Variants in ST8SIA4 observed in about 807,000 individuals in gnomAD.
The protein encoded by ST8SIA4 is ST8 alpha-N-acetyl-neuraminide alpha-2,8-sialyltransferase 4.
A neutral mutation model predicts 33.9 loss-of-function variants in ST8SIA4; 15 were observed. The observed-to-expected ratio is 0.44, with a 90% CI of 0.30 to 0.68. The LOEUF (loss-of-function observed/expected upper bound fraction) is 0.68, where lower values mean the gene tolerates loss of function less well. Ranked by LOEUF, ST8SIA4 falls within the 30% of genes least tolerant of loss-of-function variation. ST8SIA4 has a pLI of 0.10. For missense variants in ST8SIA4, 321 were observed against 428.0 expected, an observed-to-expected ratio of 0.75 and a Z score of 2.21; for synonymous variants, 171 against 151.2, an observed-to-expected ratio of 1.13 and a Z score of -0.96.
intron 4 of ST8SIA4, among the ~76,000 whole-genome samples, chr5:100,833,847 T>A (rs1751309338): frequency 6.6e-6 from 1 of 152,148 alleles, no homozygotes; most frequent in Non-Finnish European, 1.5e-5. Context: ...TCCAAGAGCA[T>A]CCACTCCTCA....
intron 2 of ST8SIA4, among the ~76,000 whole-genome samples, chr5:100,889,673 C>A (rs1019719030): frequency 2.6e-5 from 4 of 151,734 alleles, no homozygotes; most frequent in African/African-American, 9.7e-5. Context: ...TTTATTTACT[C>A]TTAGGGAAAA....
At chr5:100,847,318 A>G (rs1273392149) in intron 4 of ST8SIA4, among the ~76,000 whole-genome samples, 2 of 152,032 alleles carry the variant, frequency 1.3e-5, no homozygotes, top group African/African-American at 4.8e-5. Context: ...ACTCCAAAAC[A>G]ATCCATTAGA....
At chr5:100,826,267 A>G (rs1362339426) in intron 4 of ST8SIA4, among the ~76,000 whole-genome samples, 1 of 152,128 alleles carries the variant, frequency 6.6e-6, no homozygotes, top group African/African-American at 2.4e-5. Flanking sequence ...TATATTTAAG[A>G]GCTGACTACA....
intron 2 of ST8SIA4, among the ~76,000 whole-genome samples, chr5:100,891,584 T>G (rs1281913372): frequency 6.6e-6 from 1 of 152,036 alleles, no homozygotes; most frequent in Non-Finnish European, 1.5e-5. Context: ...TGTCCCACAA[T>G]ATTTGATGAA....
chr5:100,847,020 G>A (rs1192464316), intron 4 of ST8SIA4, among the ~76,000 whole-genome samples: 3 of 152,074 alleles, frequency 2.0e-5, no homozygotes, highest in Non-Finnish European at 1.5e-5. Context: ...ATCAGAGTCT[G>A]CCAGTAAGGA....
chr5:100,895,548 G>A (rs927037849), intron 2 of ST8SIA4, 106 bp downstream of exon 2: 7 of 1,073,040 alleles, frequency 6.5e-6, no homozygotes, highest in African/African-American at 1.6e-5. Context: ...TTTTATTTAA[G>A]TATTCATACT....
chr5:100,897,117 T>C (rs1318289415), intron 1 of ST8SIA4, among the ~76,000 whole-genome samples: 3 of 152,176 alleles, frequency 2.0e-5, no homozygotes, highest in Middle Eastern at 3.2e-3. Context: ...GTCACTTCCC[T>C]GACAGTTGGT....
At chr5:100,822,751 C>A (rs1751054399) in intron 4 of ST8SIA4, among the ~76,000 whole-genome samples, 1 of 152,110 alleles carries the variant, frequency 6.6e-6, no homozygotes, top group African/African-American at 2.4e-5. Context: ...GGGCTACATT[C>A]CAGACGATTA....
chr5:100,873,298 A>G (rs1390290560), intron 3 of ST8SIA4, among the ~76,000 whole-genome samples: 1 of 152,094 alleles, frequency 6.6e-6, no homozygotes, highest in Non-Finnish European at 1.5e-5. Flanking sequence ...GAAGATAGTG[A>G]TTTAAGCTAG....
At chr5:100,895,848 T>C in intron 1 of ST8SIA4, 63 bp from the exon 2 acceptor site, 1 of 1,515,656 alleles carries the variant, frequency 6.6e-7, no homozygotes, top group Non-Finnish European at 8.9e-7. Flanking sequence ...TACAGCACAG[T>C]ACATAATTTG....
chr5:100,809,035 G>A lies in ST8SIA4; in HGVS notation c.*2812C>T, dbSNP rs1348355699. ...AAAGGATATGGTGACAAAGTAATGT[G>A]AAAAAGCTAAAAAGGCACTACTCAA... On this transcript the variant is annotated 3_prime_UTR_variant, in exon 5 of 5. Coordinates refer to ENST00000231461, the MANE Select transcript of ST8SIA4 (RefSeq NM_005668.6). The A allele has an allele frequency of 6.6e-6, 1 of 152,564 alleles. No homozygotes were observed. Among genetic ancestry groups the A allele is most frequent in the East Asian group, 1.9e-4 (1 of 5,202 alleles). 9.5% of individuals were successfully genotyped at this position (152,564 alleles called of 1,614,324 possible). A position where few individuals can be genotyped will look rare whatever the true frequency, so the allele number is the denominator to read the frequency against.
chr5:100,901,860 A>T (rs1017667633), intron 1 of ST8SIA4, among the ~76,000 whole-genome samples: 19 of 152,176 alleles, frequency 1.2e-4, no homozygotes, highest in Admixed American at 7.9e-4. Context: ...TCTCTCTCTC[A>T]CACACACATA....
At chr5:100,827,785 T>A (rs1361839334) in intron 4 of ST8SIA4, among the ~76,000 whole-genome samples, 1 of 152,200 alleles carries the variant, frequency 6.6e-6, no homozygotes, top group African/African-American at 2.4e-5. Context: ...CCAGGATGTA[T>A]CTTTGTCACT....
At chr5:100,829,604 G>A (rs1206667986) in intron 4 of ST8SIA4, among the ~76,000 whole-genome samples, 2 of 152,232 alleles carry the variant, frequency 1.3e-5, no homozygotes, top group Non-Finnish European at 2.9e-5. Context: ...AACACATTCA[G>A]ATCCTTTAGA....
intron 4 of ST8SIA4, among the ~76,000 whole-genome samples, chr5:100,851,423 T>C (rs1451665462): frequency 6.6e-6 from 1 of 151,962 alleles, no homozygotes; most frequent in Non-Finnish European, 1.5e-5. Flanking sequence ...CAAGAACAAA[T>C]GAGAAGTACT....
At chr5:100,828,950 A>G (rs1408982253) in intron 4 of ST8SIA4, among the ~76,000 whole-genome samples, 2 of 152,194 alleles carry the variant, frequency 1.3e-5, no homozygotes, top group African/African-American at 4.8e-5. Flanking sequence ...ATGACTCACT[A>G]TGAAATAACG....
Position 100,840,601 on chromosome 5 carries a change from A to G in ST8SIA4, c.797+15502T>C, listed in dbSNP as rs187955189. 2.7e-3 allele frequency among the ~76,000 whole-genome samples: 410 copies of G among 151,872 alleles called. 3 individuals carry two copies. Among genetic ancestry groups the G allele is most frequent in the African/African-American group, 9.5e-3 (396 of 41,480 alleles). On this transcript the variant is annotated intron_variant, in intron 4 of 4. Coordinates refer to ENST00000231461, the MANE Select transcript of ST8SIA4 (RefSeq NM_005668.6). The stretch of plus-strand genomic sequence containing the variant: ...AGCGGTTCATTTCATCATGACTCAC[A>G]GTGCTTGAATAAGGCAAAGTCATTT...
rs1016637650 is a variant in ST8SIA4, at chr5:100,848,139, C to T, written c.797+7964G>A. 3.3e-5 allele frequency among the ~76,000 whole-genome samples: 5 copies of T among 151,770 alleles called. No individual in the cohort carries two copies. In the East Asian group the frequency reaches 9.7e-4, roughly 29 times the overall value. ...AATAAATTCAAGATGGCATGTCAAA[C>T]ACCAACAACAGAAATATAAAAGGGG... On this transcript the variant is annotated intron_variant, in intron 4 of 4. Transcript: ENST00000231461.
chr5:100,892,499 C>CGATTCTTGATGA (rs1363486365), intron 2 of ST8SIA4, among the ~76,000 whole-genome samples: 1 of 151,886 alleles, frequency 6.6e-6, no homozygotes, highest in Admixed American at 6.6e-5. Flanking sequence ...TTGATGAATA[C>CGATTCTTGATGA]ATATGAACCG....
Sources: gnomAD v4.1 joint callset for allele counts (sites outside exome capture counted in the v4.1 genomes callset) on GRCh38, gnomAD v4.1.1 for gene constraint, MANE v1.5 for transcripts, NCBI Gene and HGNC (gene_info 2026-07-23, HGNC 2026-07-21) for gene names.